Variants in VPS13D observed in about 807,000 individuals in gnomAD.
VPS13D encodes vacuolar protein sorting 13 homolog D.
In VPS13D, 187 loss-of-function variants were observed where a neutral mutation model predicts 461.9. The ratio of observed to expected loss-of-function variants is 0.40; its 90% CI spans 0.36 to 0.46. The LOEUF (loss-of-function observed/expected upper bound fraction) is 0.46, where lower values mean the gene tolerates loss of function less well. VPS13D is among the 20% of genes least tolerant of loss of function. The pLI, the probability that VPS13D is intolerant of heterozygous loss-of-function variation, is 0.60. For synonymous variants in VPS13D, 1,951 were observed against 1,986.3 expected, an observed-to-expected ratio of 0.98 and a Z score of 0.47; for missense variants, 4,711 against 5,364.9, an observed-to-expected ratio of 0.88 and a Z score of 3.81.
chr1:12,496,515 G>A (rs939355631), intron 67 of VPS13D, among the ~76,000 whole-genome samples: 47 of 152,310 alleles, frequency 3.1e-4, no homozygotes, highest in African/African-American at 1.1e-3. Context: ...GTGCTGATTC[G>A]ATGTGTAAGG....
intron 9 of VPS13D, 136 bp from the exon 10 acceptor site, chr1:12,257,799 T>A (rs1640967331): frequency 9.2e-7 from 1 of 1,085,874 alleles, no homozygotes. Flanking sequence ...TAAGACGAAC[T>A]TAATATATAA....
At position 12,230,129 on chromosome 1, in the gene VPS13D, C is replaced by G. The variant is rs867258733; in HGVS notation, c.-77+9C>G. On this transcript the variant is annotated intron_variant, in intron 1 of 69. Coordinates refer to ENST00000620676, the MANE Select transcript of VPS13D (RefSeq NM_015378.4). ...GCCCGGGACACCGACAGGTAGGGGC[C>G]GAGCGGCTCCGTGCCGGGCGGGGCC... is the stretch of plus-strand genomic sequence containing the variant. 6.6e-6 allele frequency: 1 copy of G among 151,892 alleles called. No homozygotes were observed. The highest frequency in any genetic ancestry group is 1.5e-5 in the Non-Finnish European group (1 of 67,984). 9.4% of individuals were successfully genotyped at this position (151,892 alleles called of 1,614,324 possible). A position where few individuals can be genotyped will look rare whatever the true frequency, so the allele number is the denominator to read the frequency against.
rs1037876873 is a variant in VPS13D at position 12,510,344 on chromosome 1, TAAAG to T, written c.*1321_*1324del. 1.3e-5 allele frequency: 2 copies of T among 152,236 alleles called. No homozygotes were observed. The highest frequency in any genetic ancestry group is 2.9e-5 in the Non-Finnish European group (2 of 68,048). 9.4% of individuals were successfully genotyped at this position (152,236 alleles called of 1,614,324 possible). On this transcript the variant is annotated 3_prime_UTR_variant, in exon 70 of 70. Transcript: ENST00000620676. ...TGTGATTTTTAAATTTTTATTTTAATAAAGCTAATCAATTTCTACAACCTTGTCA... is the reference window on the plus strand; with the variant it reads ...TGTGATTTTTAAATTTTTATTTTAATCTAATCAATTTCTACAACCTTGTCA...
chr1:12,431,100 T>A (rs1483540901), intron 65 of VPS13D, among the ~76,000 whole-genome samples: 4 of 152,202 alleles, frequency 2.6e-5, no homozygotes, highest in African/African-American at 7.2e-5. Flanking sequence ...TGTTAAAAAA[T>A]TGAATTTGGT....
At position 12,266,951 on chromosome 1, in the gene VPS13D, G is replaced by C; in HGVS notation, c.1665G>C (p.Leu555=). The change falls in exon 14 of 70, where the codon CTG becomes CTC. Residue 555 remains leucine (L), a synonymous_variant. Transcript: ENST00000620676. ...TGCTTTCAGTCCGGTTGGGTGGACT[G>C]TTTCTTCGAGACCTGGCTACAGAAG... is the stretch of plus-strand genomic sequence containing the variant. ...SSLLSVRLGG[L]FLRDLATEGT... The C allele has an allele frequency of 6.2e-7, 1 of 1,611,004 alleles. No homozygotes were observed. The highest frequency in any genetic ancestry group is 1.1e-5 in the South Asian group (1 of 90,266).
intron 65 of VPS13D, among the ~76,000 whole-genome samples, chr1:12,440,540 G>T (rs1645117148): frequency 6.6e-6 from 1 of 152,222 alleles, no homozygotes; most frequent in African/African-American, 2.4e-5. Flanking sequence ...CAGAAGAAGG[G>T]TTTGAATTCT....
intron 2 of VPS13D, among the ~76,000 whole-genome samples, chr1:12,237,866 T>C (rs1640207787): frequency 1.3e-5 from 2 of 151,610 alleles, no homozygotes. Context: ...TTTAAAAACA[T>C]TTATTGAGGC....
rs1232181971 is a variant in VPS13D at position 12,507,041 on chromosome 1, T to A, written c.12983T>A (p.Val4328Glu). 1.2e-6 allele frequency: 2 copies of A among 1,614,126 alleles called. No individual in the cohort carries two copies. Among genetic ancestry groups the A allele is most frequent in the East Asian group, 2.2e-5 (1 of 44,900 alleles). ...TATGTGCAGGTGACCAAGAAAGCCG[T>A]GAGCACGAGCAGTGGAGTGTCCATC... ...KVYVQVTKKA[V>E]STSSGVSIPG... is the part of the protein sequence containing the mutation. Residue 4328 changes from valine (V) to glutamate (E), a missense_variant, in exon 69 of 70, where the codon GTG (valine) becomes GAG (glutamate). Around this residue, in one of 3 missense-constraint regions of VPS13D, gnomAD observed 194 missense variants for 220.9 expected, o/e 0.88. Transcript: ENST00000620676. This position sits in a 1 kb window ranked among gnomAD's most constrained non-coding sequence, Gnocchi z 5.3.
chr1:12,400,962 G>GCGCACACACACACACACA (rs1253464149), intron 61 of VPS13D, among the ~76,000 whole-genome samples: 13 of 106,296 alleles, frequency 1.2e-4, no homozygotes, highest in African/African-American at 3.7e-4. Context: ...CTGCGCGCGC[G>GCGCACACACACACACACA]CACACACACA....
intron 60 of VPS13D, among the ~76,000 whole-genome samples, chr1:12,394,734 G>A (rs1316649472): frequency 6.6e-6 from 1 of 151,980 alleles, no homozygotes; most frequent in East Asian, 1.9e-4. Context: ...CTTCCTGTAC[G>A]TTAAACCAAA....
intron 30 of VPS13D, among the ~76,000 whole-genome samples, chr1:12,317,055 A>G (rs1290648933): frequency 1.4e-5 from 2 of 146,134 alleles, no homozygotes; most frequent in African/African-American, 5.1e-5. Context: ...ATCCCTGGTA[A>G]ATGTCATCTT....
chr1:12,373,095 G>GTTTTTTTTGTTTTTTTTTT (rs1644144941), intron 54 of VPS13D, among the ~76,000 whole-genome samples: 1 of 37,240 alleles, frequency 2.7e-5, no homozygotes, highest in Non-Finnish European at 5.3e-5. Context: ...GTCTGGCTTG[G>GTTTTTTTTGTTTTTTTTTT]TTTTTTTTTT....
chr1:12,311,406 T>C, intron 27 of VPS13D, 48 bp from the exon 28 acceptor site: 1 of 1,555,458 alleles, frequency 6.4e-7, no homozygotes, highest in Non-Finnish European at 8.7e-7. Flanking sequence ...TATGTCAGTG[T>C]TAAGTTAGTG....
intron 22 of VPS13D, among the ~76,000 whole-genome samples, chr1:12,289,452 C>T (rs1024017296): frequency 6.6e-6 from 1 of 151,822 alleles, no homozygotes; most frequent in Non-Finnish European, 1.5e-5. Flanking sequence ...TTACAAAGCT[C>T]ATGTTGATGC....
At chr1:12,426,165 C>T (rs1227194151) in intron 65 of VPS13D, among the ~76,000 whole-genome samples, 1 of 152,040 alleles carries the variant, frequency 6.6e-6, no homozygotes, top group Non-Finnish European at 1.5e-5. Flanking sequence ...GACTCAAAAG[C>T]ATTTGAGTAA....
At chr1:12,373,095 GTTTTTTTTTTTTTT>G (rs571503565) in intron 54 of VPS13D, among the ~76,000 whole-genome samples, 17 of 37,240 alleles carry the variant, frequency 4.6e-4, no homozygotes, top group Non-Finnish European at 5.3e-4. Context: ...GTCTGGCTTG[GTTTTTTTTTTTTTT>G]TTTTTTTTTT....
rs1474686400 is a variant in VPS13D, at chr1:12,497,535, G to A, written c.12698G>A (p.Cys4233Tyr). 6.2e-7 allele frequency: 1 copy of A among 1,613,948 alleles called. No individual in the cohort carries two copies. The highest frequency in any genetic ancestry group is 1.3e-5 in the African/African-American group (1 of 74,910). ...QAQRVRKPRC[C>Y]TGPQGLLPRY... The stretch of plus-strand genomic sequence containing the variant: ...CAGAGGGTTCGGAAACCGCGTTGCT[G>A]CACGGGGCCCCAGGGGCTGCTTCCC... Residue 4233 changes from cysteine (C) to tyrosine (Y), a missense_variant, in exon 68 of 70, where the codon TGC (cysteine) becomes TAC (tyrosine). Around this residue, in one of 3 missense-constraint regions of VPS13D, gnomAD observed 194 missense variants for 220.9 expected, o/e 0.88. Coordinates refer to ENST00000620676, the MANE Select transcript of VPS13D (RefSeq NM_015378.4).
At chr1:12,282,601 A>C in intron 20 of VPS13D, 104 bp from the exon 21 acceptor site, 1 of 1,127,266 alleles carries the variant, frequency 8.9e-7, no homozygotes, top group Non-Finnish European at 1.3e-6. Flanking sequence ...CAGGTAACTT[A>C]CAGCCTCATG....
At chr1:12,348,679 T>C (rs1375054710) in intron 44 of VPS13D, 144 bp from the exon 45 acceptor site, 1 of 1,039,706 alleles carries the variant, frequency 9.6e-7, no homozygotes, top group African/African-American at 1.6e-5. Context: ...TAAAGTTGAA[T>C]GGCTTTAGGG....
Sources: allele counts gnomAD v4.1 joint callset (sites outside exome capture counted in the v4.1 genomes callset), GRCh38; gene constraint gnomAD v4.1.1; regional missense constraint gnomAD v4.1.1; non-coding constraint Gnocchi (gnomAD v3.1); transcripts MANE v1.5; gene names NCBI Gene and HGNC (gene_info 2026-07-23, HGNC 2026-07-21).